The following ANKS1B variants were observed in gnomAD, a reference collection of about 807,000 sequenced individuals.
ANKS1B encodes ankyrin repeat and sterile alpha motif domain containing 1B.
ANKS1B carries 36 observed loss-of-function variants against 148.3 expected under a neutral mutation model. That is an observed-to-expected ratio of 0.24 (90% CI 0.19 to 0.32). ANKS1B has a LOEUF of 0.32. ANKS1B is among the 10% of genes least tolerant of loss of function. The pLI is 1.00. For missense variants in ANKS1B, 1,157 were observed against 1,542.6 expected, an observed-to-expected ratio of 0.75 and a Z score of 4.19; for synonymous variants, 542 against 560.8, an observed-to-expected ratio of 0.97 and a Z score of 0.47.
intron 14 of ANKS1B, among the ~76,000 whole-genome samples, chr12:99,240,895 G>C (rs1478827176): frequency 6.6e-6 from 1 of 152,196 alleles, no homozygotes; most frequent in African/African-American, 2.4e-5. Context: ...TACATTTAAA[G>C]CAGCGTGTAG....
At chr12:99,737,763 C>T (rs1369272700) in intron 8 of ANKS1B, among the ~76,000 whole-genome samples, 1 of 152,104 alleles carries the variant, frequency 6.6e-6, no homozygotes, top group East Asian at 1.9e-4. Context: ...CTTTCAGTTT[C>T]TTTCTCAAGT....
intron 9 of ANKS1B, among the ~76,000 whole-genome samples, chr12:99,520,591 G>T (rs1010370742): frequency 2.0e-5 from 3 of 151,880 alleles, no homozygotes; most frequent in Non-Finnish European, 2.9e-5. Flanking sequence ...TAATCTTCTT[G>T]TACTTGAATG....
At chr12:99,491,635 G>C (rs888857446) in intron 10 of ANKS1B, among the ~76,000 whole-genome samples, 5 of 152,088 alleles carry the variant, frequency 3.3e-5, no homozygotes, top group Non-Finnish European at 7.4e-5. Context: ...TCACTTAAAT[G>C]ATGATGAGCA....
intron 9 of ANKS1B, among the ~76,000 whole-genome samples, chr12:99,598,956 G>C (rs2097778858): frequency 6.6e-6 from 1 of 152,018 alleles, no homozygotes; most frequent in Admixed American, 6.6e-5. Context: ...GGCTCTAGGG[G>C]AAATTTCATT....
intron 17 of ANKS1B, among the ~76,000 whole-genome samples, chr12:98,893,065 G>T (rs2099756009): frequency 6.6e-6 from 1 of 152,012 alleles, no homozygotes; most frequent in African/African-American, 2.4e-5. Context: ...CATTCTGAAG[G>T]TTTTTTTAAA....
chr12:99,174,601 G>T (rs537784870), intron 14 of ANKS1B, among the ~76,000 whole-genome samples: 1 of 151,990 alleles, frequency 6.6e-6, no homozygotes, highest in East Asian at 1.9e-4. Context: ...TAATCTTGGT[G>T]GTATTGGAAG....
At chr12:98,975,244 CCTT>C (rs2099892276) in intron 17 of ANKS1B, among the ~76,000 whole-genome samples, 1 of 143,060 alleles carries the variant, frequency 7.0e-6, no homozygotes, top group Non-Finnish European at 1.5e-5. Flanking sequence ...TTCCTTCCTT[CCTT>C]CTTTCTTTCC....
chr12:99,202,045 C>A (rs1405931357), intron 14 of ANKS1B, among the ~76,000 whole-genome samples: 1 of 152,120 alleles, frequency 6.6e-6, no homozygotes, highest in East Asian at 1.9e-4. Flanking sequence ...TACAAATAAT[C>A]CACAGTCTAG....
intron 15 of ANKS1B, among the ~76,000 whole-genome samples, chr12:99,108,734 G>A (rs1360415223): frequency 6.6e-6 from 1 of 152,152 alleles, no homozygotes; most frequent in African/African-American, 2.4e-5. Context: ...GTTTAGAACA[G>A]AGAAGAGGAT....
intron 14 of ANKS1B, among the ~76,000 whole-genome samples, chr12:99,182,144 A>G (rs2079189487): frequency 6.6e-6 from 1 of 152,118 alleles, no homozygotes; most frequent in South Asian, 2.1e-4. Context: ...AGCAAGGCAC[A>G]TTTTATATGG....
chr12:99,447,135 T>C (rs187800332), intron 10 of ANKS1B, among the ~76,000 whole-genome samples: 2 of 152,150 alleles, frequency 1.3e-5, no homozygotes, highest in African/African-American at 4.8e-5. Context: ...CATCAACCAA[T>C]GGAAAAGAAC....
intron 15 of ANKS1B, among the ~76,000 whole-genome samples, chr12:99,121,715 T>A (rs1282559982): frequency 6.6e-6 from 1 of 152,186 alleles, no homozygotes; most frequent in Non-Finnish European, 1.5e-5. Flanking sequence ...CACTGAGTGT[T>A]GCTAAGGGCC....
intron 12 of ANKS1B, among the ~76,000 whole-genome samples, chr12:99,375,898 C>T (rs2093369467): frequency 6.6e-6 from 1 of 152,158 alleles, no homozygotes; most frequent in Admixed American, 6.5e-5. Context: ...CTCTCTTCCT[C>T]TAAATCCATA....
At chr12:99,368,920 G>A (rs2152458966) in intron 12 of ANKS1B, among the ~76,000 whole-genome samples, 1 of 152,228 alleles carries the variant, frequency 6.6e-6, no homozygotes, top group East Asian at 1.9e-4. Context: ...AACGTAGAAG[G>A]AATAATATTA....
intron 25 of ANKS1B, among the ~76,000 whole-genome samples, chr12:98,761,695 A>C (rs2098409011): frequency 6.6e-6 from 1 of 152,210 alleles, no homozygotes; most frequent in Non-Finnish European, 1.5e-5. Context: ...AACACTGTCC[A>C]TTTGTTCACT....
At chr12:99,357,484 A>G (rs2092103454) in intron 12 of ANKS1B, among the ~76,000 whole-genome samples, 1 of 152,200 alleles carries the variant, frequency 6.6e-6, no homozygotes, top group African/African-American at 2.4e-5. Flanking sequence ...CAGTAAGATC[A>G]TAGTACCTGC....
intron 17 of ANKS1B, among the ~76,000 whole-genome samples, chr12:98,898,754 A>G (rs1360406656): frequency 1.3e-5 from 2 of 152,188 alleles, no homozygotes; most frequent in East Asian, 1.9e-4. Flanking sequence ...TCTAAATCTT[A>G]TAATATTCTA....
chr12:99,850,281 G>GTCTCTCCCTCTCCCTCTCTC (rs57015094), intron 1 of ANKS1B, among the ~76,000 whole-genome samples: 1 of 114,206 alleles, frequency 8.8e-6, no homozygotes, highest in African/African-American at 3.6e-5. Context: ...AAGCAAGAAA[G>GTCTCTCCCTCTCCCTCTCTC]TCTCTCTCTC....
chr12:99,440,554 AGAGGAT>A (rs1567106024), intron 11 of ANKS1B, among the ~76,000 whole-genome samples: 1 of 151,856 alleles, frequency 6.6e-6, no homozygotes, highest in Non-Finnish European at 1.5e-5. Flanking sequence ...TTCACAATCT[AGAGGAT>A]TTTAAGACGT....
Sources: allele counts gnomAD v4.1 joint callset (sites outside exome capture counted in the v4.1 genomes callset), GRCh38; gene constraint gnomAD v4.1.1; transcripts MANE v1.5; gene names NCBI Gene and HGNC (gene_info 2026-07-23, HGNC 2026-07-21).